INSYN2A: variants seen among roughly 807,000 people sequenced by gnomAD.
INSYN2A encodes the protein inhibitory synaptic factor 2A.
A neutral mutation model predicts 39.4 loss-of-function variants in INSYN2A; 17 were observed. The observed-to-expected ratio is 0.43, with a 90% CI of 0.30 to 0.65. The LOEUF (loss-of-function observed/expected upper bound fraction) is 0.65, where lower values mean the gene tolerates loss of function less well. Ranked by LOEUF, INSYN2A falls within the 30% of genes least tolerant of loss-of-function variation. INSYN2A has a pLI of 0.14. For synonymous variants in INSYN2A, 255 were observed against 265.7 expected (o/e 0.96, Z 0.39); for missense variants, 595 against 631.2 (o/e 0.94, Z 0.61).
At chr10:127,151,917 T>A (rs2052529726) in intron 5 of INSYN2A, among the ~76,000 whole-genome samples, 1 of 152,180 alleles carries the variant, frequency 6.6e-6, no homozygotes, top group African/African-American at 2.4e-5. Context: ...AGAGACTTAT[T>A]CAGTCACTTT....
intron 2 of INSYN2A, among the ~76,000 whole-genome samples, chr10:127,181,676 G>T (rs948313906): frequency 3.3e-5 from 5 of 152,170 alleles, no homozygotes; most frequent in Non-Finnish European, 5.9e-5. Flanking sequence ...TGCCAAGGGG[G>T]TGCCTGAACA....
rs187620474 is a variant in INSYN2A at position 127,175,019 on chromosome 10, T to A, written c.1184+193A>T. On this transcript the variant is annotated intron_variant, in intron 4 of 5. Transcript: ENST00000522781. This position sits in a 1 kb window ranked among gnomAD's most constrained non-coding sequence, Gnocchi z 6.3. ...AGATGAACATTAACCAGAAAGCGTA[T>A]CGTGCAGGATGCAGTGACGTCTAGT... 8.5e-5 allele frequency among the ~76,000 whole-genome samples: 13 copies of A among 152,302 alleles called. No homozygotes were observed. The East Asian group carries it at 2.1e-3, about 25-fold the overall frequency.
Position 127,136,754 on chromosome 10 carries a change from T to TGTA in INSYN2A, c.*1082_*1083insTAC, listed in dbSNP as rs1263435801. ...TATGTTGTTTAGTACAACTTACTAA[T>TGTA]AGGTTAAATGTAGGCGACATTGTCC... On this transcript the variant is annotated 3_prime_UTR_variant, in exon 6 of 6. Transcript: ENST00000522781. 4.6e-5 allele frequency: 7 copies of TGTA among 152,672 alleles called. No individual in the cohort carries two copies. The highest frequency in any genetic ancestry group is 1.7e-4 in the African/African-American group (7 of 41,456). 9.5% of individuals were successfully genotyped at this position (152,672 alleles called of 1,614,324 possible). A position where few individuals can be genotyped will look rare whatever the true frequency, so the allele number is the denominator to read the frequency against.
In INSYN2A at chr10:127,176,021, C is replaced by T. The variant is rs1183564903; in HGVS notation, c.375G>A (p.Gly125=). 1 of 1,614,040 alleles carries T rather than the reference C, an allele frequency of 6.2e-7. No homozygotes were observed. The highest frequency in any genetic ancestry group is 1.3e-5 in the African/African-American group (1 of 74,902). Residue 125 remains glycine (G), a synonymous_variant, in exon 4 of 6, where the codon GGG becomes GGA. Coordinates refer to ENST00000522781, the MANE Select transcript of INSYN2A (RefSeq NM_001039762.3). This position sits in a 1 kb window ranked among gnomAD's most constrained non-coding sequence, Gnocchi z 4.4. ...CTGCAGCTGGGAGGCTTTTGAGGTT[C>T]CCCTTTTTGCGGTCCAGAGGGAACG... ...YQTFPLDRKK[G]NLKSLPAADP... is the part of the protein sequence containing the mutation.
chr10:127,151,483 A>C (rs1191712141), intron 5 of INSYN2A, among the ~76,000 whole-genome samples: 1 of 152,142 alleles, frequency 6.6e-6, no homozygotes, highest in East Asian at 1.9e-4. Flanking sequence ...GATTTTAAAA[A>C]TCAGGAAAGA....
intron 1 of INSYN2A, among the ~76,000 whole-genome samples, chr10:127,193,265 G>T (rs2056876895): frequency 6.6e-6 from 1 of 152,074 alleles, no homozygotes. Flanking sequence ...GGTTTTATCT[G>T]GGGAGTTTTT....
At chr10:127,168,910 A>G (rs2133803721) in intron 4 of INSYN2A, among the ~76,000 whole-genome samples, 1 of 152,248 alleles carries the variant, frequency 6.6e-6, no homozygotes, top group South Asian at 2.1e-4. Context: ...GTGATGCAGT[A>G]TTTATTCTGT....
chr10:127,187,719 G>GAAGAAAGAGAGAAAGAAAGA (rs978218091), intron 2 of INSYN2A, among the ~76,000 whole-genome samples: 1 of 136,752 alleles, frequency 7.3e-6, no homozygotes, highest in South Asian at 2.6e-4. Flanking sequence ...AAAACAAGGA[G>GAAGAAAGAGAGAAAGAAAGA]AAGAAAGAGA....
intron 2 of INSYN2A, among the ~76,000 whole-genome samples, chr10:127,189,726 G>T (rs1006716590): frequency 6.6e-6 from 1 of 152,176 alleles, no homozygotes; most frequent in Non-Finnish European, 1.5e-5. Flanking sequence ...ATTCCTTTAA[G>T]TTCACACAGT....
intron 4 of INSYN2A, among the ~76,000 whole-genome samples, chr10:127,174,247 CTCCGA>C (rs1261191368): frequency 6.6e-6 from 1 of 152,206 alleles, no homozygotes; most frequent in African/African-American, 2.4e-5. Context: ...AGGGCGCTGC[CTCCGA>C]TGTTACCTCC....
intron 4 of INSYN2A, among the ~76,000 whole-genome samples, chr10:127,167,614 TCTC>T (rs1443290106): frequency 6.6e-6 from 1 of 151,182 alleles, no homozygotes; most frequent in Non-Finnish European, 1.5e-5. Flanking sequence ...CTCTAGGGCC[TCTC>T]CTCTCATTTG....
intron 4 of INSYN2A, among the ~76,000 whole-genome samples, chr10:127,157,104 A>C (rs939996273): frequency 1.3e-5 from 2 of 152,188 alleles, no homozygotes; most frequent in South Asian, 4.1e-4. Context: ...AAATGAGCGA[A>C]CGGTTAATTT....
chr10:127,175,801 G>A lies in INSYN2A; in HGVS notation c.595C>T (p.Pro199Ser), dbSNP rs1229018722. 3.7e-6 allele frequency: 6 copies of A among 1,613,984 alleles called. No individual in the cohort carries two copies. In the Admixed American group the frequency reaches 1.0e-4, roughly 27 times the overall value. Residue 199 changes from proline to serine, a missense_variant, in exon 4 of 6, where the codon CCG becomes TCG. Physicochemically the swap from Pro to Ser is moderately conservative, Grantham distance 74. Coordinates refer to ENST00000522781, the MANE Select transcript of INSYN2A (RefSeq NM_001039762.3). The surrounding 1 kb of genome is among the most constrained non-coding windows in gnomAD (Gnocchi z 6.3). ...GCTTCTCCATAGCTGAGCGGCTCCG[G>A]GCTTTTACAGGGCTCTGTGCAGTTG... ...GVNCTEPCKS[P>S]EPLSYGEAAL...
Position 127,175,445 on chromosome 10 carries a change from T to C in INSYN2A, c.951A>G (p.Glu317=). Residue 317 remains glutamate, a synonymous_variant, in exon 4 of 6, where the codon GAA becomes GAG. Coordinates refer to ENST00000522781, the MANE Select transcript of INSYN2A (RefSeq NM_001039762.3). The surrounding 1 kb of genome is among the most constrained non-coding windows in gnomAD (Gnocchi z 6.3). ...CSPPMQCLSP[E]CSEQPSQTHT... ...GAGTCTGCGACGGCTGCTCACTACA[T>C]TCGGGGGACAGGCACTGCATCGGGG... 6.2e-7 allele frequency: 1 copy of C among 1,612,116 alleles called. No individual in the cohort carries two copies. Among genetic ancestry groups the C allele is most frequent in the Non-Finnish European group, 8.5e-7 (1 of 1,180,012 alleles).
At chr10:127,163,798 C>G (rs1464503713) in intron 4 of INSYN2A, among the ~76,000 whole-genome samples, 1 of 149,456 alleles carries the variant, frequency 6.7e-6, no homozygotes, top group East Asian at 1.9e-4. Context: ...ATAAAGCCTT[C>G]CTTTTTTTTT....
intron 2 of INSYN2A, among the ~76,000 whole-genome samples, chr10:127,187,822 C>G (rs1455227389): frequency 6.6e-6 from 1 of 152,196 alleles, no homozygotes; most frequent in South Asian, 2.1e-4. Context: ...ATATTGGTCT[C>G]TACCCCAGTC....
intron 4 of INSYN2A, among the ~76,000 whole-genome samples, chr10:127,174,879 C>A (rs1363415195): frequency 6.6e-6 from 1 of 152,176 alleles, no homozygotes; most frequent in East Asian, 1.9e-4. Flanking sequence ...ATATTTTGGA[C>A]TGGCATATGT....
In INSYN2A at chr10:127,136,624, A is replaced by G. The variant is rs1274160383; in HGVS notation, c.*1213T>C. On this transcript the variant is annotated 3_prime_UTR_variant, in exon 6 of 6. Coordinates refer to ENST00000522781, the MANE Select transcript of INSYN2A (RefSeq NM_001039762.3). ...TGCAAAGAAATGAGTGAAAAAATAA[A>G]GGAACTAAGATTTACATTGCAATGT... 2.6e-5 allele frequency: 4 copies of G among 152,648 alleles called. No individual in the cohort carries two copies. The highest frequency in any genetic ancestry group is 7.2e-5 in the African/African-American group (3 of 41,462). 9.5% of individuals were successfully genotyped at this position (152,648 alleles called of 1,614,324 possible).
At chr10:127,165,066 G>A (rs1032478073) in intron 4 of INSYN2A, among the ~76,000 whole-genome samples, 1 of 152,222 alleles carries the variant, frequency 6.6e-6, no homozygotes, top group African/African-American at 2.4e-5. Context: ...ATAAGAATGT[G>A]AGTATACTGT....
Sources: allele counts gnomAD v4.1 joint callset (sites outside exome capture counted in the v4.1 genomes callset), GRCh38; gene constraint gnomAD v4.1.1; non-coding constraint Gnocchi (gnomAD v3.1); transcripts MANE v1.5; gene names NCBI Gene and HGNC (gene_info 2026-07-23, HGNC 2026-07-21).